The following DLGAP2 variants were observed in gnomAD, a reference collection of about 807,000 sequenced individuals.
DLGAP2 encodes DLG associated protein 2.
Under a neutral mutation model 100.3 loss-of-function variants are expected in DLGAP2, and 26 were observed. That is an observed-to-expected ratio of 0.26 (90% confidence interval 0.19 to 0.36). The LOEUF (loss-of-function observed/expected upper bound fraction) is 0.36, where lower values mean the gene tolerates loss of function less well. Ranked by LOEUF, DLGAP2 falls within the 10% of genes least tolerant of loss-of-function variation. The pLI is 1.00. For missense variants in DLGAP2, 1,858 were observed against 1,453.2 expected, an observed-to-expected ratio of 1.28 and a Z score of -4.53; for synonymous variants, 886 against 630.1, an observed-to-expected ratio of 1.41 and a Z score of -6.08.
intron 2 of DLGAP2, among the ~76,000 whole-genome samples, chr8:1,023,266 C>G (rs1052521734): frequency 6.6e-6 from 1 of 152,218 alleles, no homozygotes; most frequent in Non-Finnish European, 1.5e-5. Flanking sequence ...AGAAGTGGAG[C>G]TATCACGTAG....
At chr8:1,161,086 T>C (rs548287262) in intron 2 of DLGAP2, among the ~76,000 whole-genome samples, 1 of 152,298 alleles carries the variant, frequency 6.6e-6, no homozygotes, top group Non-Finnish European at 1.5e-5. Context: ...TTCCAGCAGG[T>C]TTACTTTTAT....
At chr8:1,540,082 G>A (rs529593798) in intron 4 of DLGAP2, among the ~76,000 whole-genome samples, 1 of 152,248 alleles carries the variant, frequency 6.6e-6, no homozygotes, top group African/African-American at 2.4e-5. Context: ...TGGCAGTGCC[G>A]CCACAGGCAC....
chr8:1,261,093 CG>C (rs1471021297), intron 3 of DLGAP2, among the ~76,000 whole-genome samples: 1 of 147,464 alleles, frequency 6.8e-6, no homozygotes, highest in Non-Finnish European at 1.5e-5. Context: ...CGAGACAGAC[CG>C]GGAGGGCTGG....
chr8:1,312,530 G>A (rs933282171), intron 3 of DLGAP2, among the ~76,000 whole-genome samples: 4 of 152,178 alleles, frequency 2.6e-5, no homozygotes, highest in African/African-American at 9.7e-5. Context: ...GTTTCTGGGG[G>A]CTTGGGGGAG....
intron 2 of DLGAP2, among the ~76,000 whole-genome samples, chr8:1,209,300 A>G (rs963584308): frequency 3.9e-5 from 6 of 152,234 alleles, no homozygotes; most frequent in African/African-American, 1.4e-4. Context: ...GCATAAAAAT[A>G]GGCATGTAGA....
chr8:850,573 G>A (rs1301088377), intron 1 of DLGAP2, among the ~76,000 whole-genome samples: 1 of 152,158 alleles, frequency 6.6e-6, no homozygotes, highest in Non-Finnish European at 1.5e-5. Context: ...TTGTGTGTCT[G>A]TGTGTATGAA....
Position 1,701,430 on chromosome 8 carries a change from T to A in DLGAP2, c.*24T>A. ...GAGGGCGGAGGCCGGCGCCTTCCCCTCGTCGCTTCCGCTTTCCCGGACGCT... is the reference window on the plus strand; with the variant it reads ...GAGGGCGGAGGCCGGCGCCTTCCCCACGTCGCTTCCGCTTTCCCGGACGCT... On this transcript the variant is annotated 3_prime_UTR_variant, in exon 15 of 15. Coordinates refer to ENST00000637795, the MANE Select transcript of DLGAP2 (RefSeq NM_001346810.2). 1 of 1,557,176 alleles carries A rather than the reference T, an allele frequency of 6.4e-7. No individual in the cohort carries two copies. The highest frequency in any genetic ancestry group is 1.4e-5 in the African/African-American group (1 of 73,386).
rs368911061 is a variant in DLGAP2 at position 1,669,755 on chromosome 8, C to T, written c.2173C>T (p.Pro725Ser). 1.3e-6 allele frequency: 1 copy of T among 780,776 alleles called. No individual in the cohort carries two copies. Among genetic ancestry groups the T allele is most frequent in the South Asian group, 1.3e-5 (1 of 74,630 alleles). 48.4% of individuals were successfully genotyped at this position (780,776 alleles called of 1,614,324 possible). A position where few individuals can be genotyped will look rare whatever the true frequency, so the allele number is the denominator to read the frequency against. The stretch of plus-strand genomic sequence containing the variant: ...TTGTTTTGTTTAGGATTCTGAATTC[C>T]CAGAGCATCAGCCATACCCAAGGTC... ...SSIGIQDSEF[P>S]EHQPYPRSDV... The change falls in exon 10 of 15, where the codon CCA (proline) becomes TCA (serine). Residue 725 changes from proline (P) to serine (S), a missense_variant. Physicochemically the swap from Pro to Ser is moderately conservative, Grantham distance 74. Coordinates refer to ENST00000637795, the MANE Select transcript of DLGAP2 (RefSeq NM_001346810.2).
At chr8:1,083,603 C>A (rs1473877105) in intron 2 of DLGAP2, among the ~76,000 whole-genome samples, 1 of 152,114 alleles carries the variant, frequency 6.6e-6, no homozygotes, top group African/African-American at 2.4e-5. Context: ...ATTATGCTAA[C>A]TGATGTAGTG....
intron 3 of DLGAP2, among the ~76,000 whole-genome samples, chr8:1,423,738 G>A (rs1449969038): frequency 6.6e-6 from 1 of 152,220 alleles, no homozygotes; most frequent in African/African-American, 2.4e-5. Context: ...AGGGAGAGAG[G>A]CGGGTGGGGA....
intron 1 of DLGAP2, among the ~76,000 whole-genome samples, chr8:799,751 C>A (rs1283236091): frequency 1.3e-5 from 2 of 152,128 alleles, no homozygotes; most frequent in Non-Finnish European, 2.9e-5. Context: ...TGCACGCCCC[C>A]ACATCCAGCT....
Position 754,139 on chromosome 8 carries a change from G to T in DLGAP2, c.18+16314G>T, listed in dbSNP as rs184997420. ...GAGGCCTCAGATCAGGTGCCTTTCC[G>T]AGTCCTCACGGCAGCCTCTGCAGCA... On this transcript the variant is annotated intron_variant, in intron 1 of 14. Coordinates refer to ENST00000637795, the MANE Select transcript of DLGAP2 (RefSeq NM_001346810.2). The T allele has an allele frequency of 9.8e-5, 15 of 152,388 alleles. No homozygotes were observed. The East Asian group carries it at 2.3e-3, about 24-fold the overall frequency. The allele number at this position is 152,388 out of a possible 1,614,324, so 9.4% of individuals were successfully genotyped here.
chr8:972,827 G>C (rs1430261518), intron 2 of DLGAP2, among the ~76,000 whole-genome samples: 1 of 152,110 alleles, frequency 6.6e-6, no homozygotes, highest in African/African-American at 2.4e-5. Context: ...GACTCTTAAC[G>C]AGCATGCTGC....
chr8:1,150,495 G>A (rs1418996279), intron 2 of DLGAP2, among the ~76,000 whole-genome samples: 1 of 152,206 alleles, frequency 6.6e-6, no homozygotes, highest in Non-Finnish European at 1.5e-5. Flanking sequence ...ATCTGGGAAT[G>A]CAGGACTGTG....
At chr8:976,186 T>A (rs1800157954) in intron 2 of DLGAP2, among the ~76,000 whole-genome samples, 2 of 152,240 alleles carry the variant, frequency 1.3e-5, no homozygotes, top group South Asian at 4.1e-4. Flanking sequence ...ATAAAAGACA[T>A]AACATTTTCA....
chr8:824,696 T>A (rs1291623203), intron 1 of DLGAP2, among the ~76,000 whole-genome samples: 1 of 152,154 alleles, frequency 6.6e-6, no homozygotes, highest in Non-Finnish European at 1.5e-5. Context: ...GCAAGCTTTG[T>A]CTGGTAAGTG....
chr8:1,222,074 T>C (rs946180153), intron 2 of DLGAP2, among the ~76,000 whole-genome samples: 1 of 152,220 alleles, frequency 6.6e-6, no homozygotes, highest in Non-Finnish European at 1.5e-5. Context: ...GAATTCCATG[T>C]CTGTTGTTTC....
intron 3 of DLGAP2, among the ~76,000 whole-genome samples, chr8:1,323,817 C>T (rs1407928521): frequency 6.6e-6 from 1 of 152,180 alleles, no homozygotes; most frequent in African/African-American, 2.4e-5. Context: ...TGTTTCCTTT[C>T]CTAACCACCT....
At chr8:937,082 CAT>C (rs1799088904) in intron 2 of DLGAP2, among the ~76,000 whole-genome samples, 3 of 152,338 alleles carry the variant, frequency 2.0e-5, no homozygotes, top group East Asian at 3.9e-4. Flanking sequence ...CATCTACAGA[CAT>C]GTGGTGCCCT....
Sources: gnomAD v4.1 joint callset for allele counts (sites outside exome capture counted in the v4.1 genomes callset) on GRCh38, gnomAD v4.1.1 for gene constraint, MANE v1.5 for transcripts, NCBI Gene and HGNC (gene_info 2026-07-23, HGNC 2026-07-21) for gene names.